Variants in SLC22A24 observed in about 807,000 individuals in gnomAD.
SLC22A24 encodes the protein solute carrier family 22 member 24, also known as steroid transmembrane transporter SLC22A24.
SLC22A24 carries 53 observed loss-of-function variants against 49.8 expected under a neutral mutation model. That is an observed-to-expected ratio of 1.06 (90% CI 0.85 to 1.34). SLC22A24 has a LOEUF of 1.34. Ranked by LOEUF, SLC22A24 falls within the 40% of genes most tolerant of loss-of-function variation. The pLI is 0.00. For missense variants in SLC22A24, 786 were observed against 675.9 expected (o/e 1.16, Z -1.81); for synonymous variants, 302 against 256.4 (o/e 1.18, Z -1.70).
At chr11:63,136,904 C>T (rs962288990) in intron 1 of SLC22A24, among the ~76,000 whole-genome samples, 3 of 152,198 alleles carry the variant, frequency 2.0e-5, no homozygotes, top group African/African-American at 7.2e-5. Flanking sequence ...GCAATGGAGA[C>T]ATAGTCATGG....
intron 2 of SLC22A24, among the ~76,000 whole-genome samples, chr11:63,131,343 CT>C (rs937532813): frequency 1.3e-5 from 2 of 152,018 alleles, no homozygotes; most frequent in Non-Finnish European, 2.9e-5. Flanking sequence ...GTTATTTTGC[CT>C]GTTAATTGAG....
At chr11:63,101,785 C>A (rs1427052124) in intron 5 of SLC22A24, among the ~76,000 whole-genome samples, 1 of 152,040 alleles carries the variant, frequency 6.6e-6, no homozygotes, top group African/African-American at 2.4e-5. Flanking sequence ...TAATTTGCAG[C>A]AACATGGATG....
At chr11:63,098,576 T>C (rs929953173) in intron 5 of SLC22A24, among the ~76,000 whole-genome samples, 2 of 151,908 alleles carry the variant, frequency 1.3e-5, no homozygotes, top group Non-Finnish European at 2.9e-5. Flanking sequence ...GGGAGGAGAA[T>C]CACTTGAACC....
intron 5 of SLC22A24, 53 bp from the exon 6 acceptor site, chr11:63,096,159 G>C: frequency 8.5e-7 from 1 of 1,178,784 alleles, no homozygotes; most frequent in South Asian, 1.3e-5. Flanking sequence ...TAATGTGTCA[G>C]GCATAGTGGT....
intron 5 of SLC22A24, 72 bp from the exon 6 acceptor site, chr11:63,096,178 G>C (rs2087053869): frequency 2.0e-6 from 2 of 976,788 alleles, no homozygotes; most frequent in East Asian, 2.6e-5. Flanking sequence ...GTAAGTACTA[G>C]AGAACAAGAT....
chr11:63,082,658 T>G (rs1214724288), intron 7 of SLC22A24, among the ~76,000 whole-genome samples: 1 of 152,258 alleles, frequency 6.6e-6, no homozygotes, highest in African/African-American at 2.4e-5. Context: ...ATGAGACTTT[T>G]TCTTGTTCCA....
intron 5 of SLC22A24, among the ~76,000 whole-genome samples, chr11:63,102,096 A>G (rs1226784491): frequency 6.6e-6 from 1 of 152,172 alleles, no homozygotes; most frequent in Non-Finnish European, 1.5e-5. Context: ...AGAATAATTG[A>G]ATTGTTTGTA....
chr11:63,134,003 T>C (rs1423852745), intron 2 of SLC22A24, among the ~76,000 whole-genome samples: 6 of 152,224 alleles, frequency 3.9e-5, no homozygotes, highest in African/African-American at 1.4e-4. Context: ...AGTAGATTAG[T>C]AGATAAATAC....
chr11:63,108,259 C>G (rs1179470753), intron 4 of SLC22A24, among the ~76,000 whole-genome samples: 1 of 151,260 alleles, frequency 6.6e-6, no homozygotes, highest in Non-Finnish European at 1.5e-5. Context: ...TATGCCGAAC[C>G]AGCCTTGCAT....
At chr11:63,112,294 T>C (rs945169843) in intron 4 of SLC22A24, among the ~76,000 whole-genome samples, 3 of 152,186 alleles carry the variant, frequency 2.0e-5, no homozygotes, top group Non-Finnish European at 4.4e-5. Context: ...TTGGAATAAG[T>C]GTGGTGTAGT....
intron 4 of SLC22A24, 105 bp downstream of exon 4, chr11:63,118,807 C>G (rs1252433516): frequency 8.3e-7 from 1 of 1,210,564 alleles, no homozygotes; most frequent in South Asian, 1.3e-5. Context: ...GACATCATGG[C>G]TCAGGACTAG....
rs555910443 is a variant in SLC22A24, at chr11:63,084,601, G to A, written c.1071-1144C>T. Among the ~76,000 whole-genome samples the A allele has an allele frequency of 6.6e-5, 10 of 152,166 alleles. 1 individual carries two copies. The South Asian group carries it at 1.7e-3, about 25-fold the overall frequency. The stretch of plus-strand genomic sequence containing the variant: ...AGGCCTCCAAGGAATTTACATAAAG[G>A]CACCCAGGGAAAGGAGTCTGATTTG... On this transcript the variant is annotated intron_variant, in intron 6 of 9. Coordinates refer to ENST00000612278, the MANE Select transcript of SLC22A24 (RefSeq NM_001136506.2).
At chr11:63,126,603 G>A (rs1323059092) in intron 2 of SLC22A24, among the ~76,000 whole-genome samples, 1 of 152,130 alleles carries the variant, frequency 6.6e-6, no homozygotes, top group East Asian at 1.9e-4. Flanking sequence ...GTTGCCTCCA[G>A]CTTTATTCTT....
intron 6 of SLC22A24, among the ~76,000 whole-genome samples, chr11:63,090,103 A>AAAAAAAC (rs2087010803): frequency 6.8e-6 from 1 of 146,024 alleles, no homozygotes; most frequent in Non-Finnish European, 1.5e-5. Flanking sequence ...AAAAAAAAAA[A>AAAAAAAC]AAGACAAAGA....
At chr11:63,080,056 T>C (rs2086950325) in intron 9 of SLC22A24, 56 bp from the exon 10 acceptor site, 1 of 1,192,654 alleles carries the variant, frequency 8.4e-7, no homozygotes, top group Non-Finnish European at 1.2e-6. Flanking sequence ...ATAAATAAGA[T>C]ATAGATTAAG....
intron 6 of SLC22A24, among the ~76,000 whole-genome samples, chr11:63,087,800 G>A (rs2086996344): frequency 6.6e-6 from 1 of 152,150 alleles, no homozygotes; most frequent in Admixed American, 6.5e-5. Context: ...CAGTGCTAAG[G>A]AGGATGGGAG....
chr11:63,093,070 G>A (rs138895973), intron 6 of SLC22A24, among the ~76,000 whole-genome samples: 111 of 152,142 alleles, frequency 7.3e-4, no homozygotes, highest in African/African-American at 2.6e-3. Context: ...CATTTATGTG[G>A]CCAACAAACA....
In SLC22A24 at chr11:63,118,955, G is replaced by C. The variant is rs897730154; in HGVS notation, c.787C>G (p.Leu263Val). ...FAIQDWHILQ[L>V]TVSTPIIVLF... ...ACAATTATGGGTGTAGACACAGTCAGTTGCAATATGTGCCAGTCCTGAATG... is the reference window on the plus strand; with the variant it reads ...ACAATTATGGGTGTAGACACAGTCACTTGCAATATGTGCCAGTCCTGAATG... Residue 263 changes from leucine (L) to valine (V), a missense_variant, in exon 4 of 10, where the codon CTG becomes GTG. Physicochemically the swap from Leu to Val is conservative, Grantham distance 32. Transcript: ENST00000612278. 7 of 1,552,016 alleles carry C rather than the reference G, an allele frequency of 4.5e-6. No individual in the cohort carries two copies. The highest frequency in any genetic ancestry group is 6.1e-6 in the Non-Finnish European group (7 of 1,147,034).
chr11:63,120,376 C>T (rs968502660), intron 2 of SLC22A24, among the ~76,000 whole-genome samples: 8 of 150,846 alleles, frequency 5.3e-5, no homozygotes, highest in African/African-American at 1.2e-4. Context: ...GTGGGTGCAG[C>T]GCACCAGCAT....
Sources: allele counts gnomAD v4.1 joint callset (sites outside exome capture counted in the v4.1 genomes callset), GRCh38; gene constraint gnomAD v4.1.1; transcripts MANE v1.5; gene names NCBI Gene and HGNC (gene_info 2026-07-23, HGNC 2026-07-21).